Variants in TAFA1 observed in about 807,000 individuals in gnomAD.
The protein encoded by TAFA1 is chemokine-like protein TAFA-1.
In TAFA1, 4 loss-of-function variants were observed where a neutral mutation model predicts 18.5. The observed-to-expected ratio is 0.22, with a 90% confidence interval of 0.11 to 0.49. TAFA1 has a LOEUF of 0.49. TAFA1 is among the 20% of genes least tolerant of loss of function. The pLI is 0.98. For synonymous variants in TAFA1, 56 were observed against 55.2 expected, an observed-to-expected ratio of 1.01 and a Z score of -0.06; for missense variants, 147 against 169.0, an observed-to-expected ratio of 0.87 and a Z score of 0.72.
rs114956094 is a variant in TAFA1, at chr3:68,180,792, C to G, written c.118+174048C>G. On this transcript the variant is annotated intron_variant, in intron 2 of 4. Coordinates refer to ENST00000478136, the MANE Select transcript of TAFA1 (RefSeq NM_213609.4). ...GCTTCTAATACGACCCCTGATGATC[C>G]TCTCCTCCTAGTTTTCATGCCCTTC... Among the ~76,000 whole-genome samples the G allele has an allele frequency of 9.2e-3, 1,404 of 152,242 alleles. 22 individuals are homozygous for G. The highest frequency in any genetic ancestry group is 0.032 in the African/African-American group (1,321 of 41,544).
At chr3:68,108,918 A>G (rs543356919) in intron 2 of TAFA1, among the ~76,000 whole-genome samples, 6 of 152,038 alleles carry the variant, frequency 3.9e-5, no homozygotes, top group African/African-American at 1.4e-4. Flanking sequence ...ATACAGAGAG[A>G]TTTTAAAAAT....
intron 3 of TAFA1, among the ~76,000 whole-genome samples, chr3:68,494,490 C>A (rs185920707): frequency 6.6e-6 from 1 of 152,274 alleles, no homozygotes; most frequent in African/African-American, 2.4e-5. Context: ...ATATCCCAAT[C>A]TCCCTCACAG....
rs553489696 is a variant in TAFA1, at chr3:68,013,380, T to C, written c.118+6636T>C. On this transcript the variant is annotated intron_variant, in intron 2 of 4. Transcript: ENST00000478136. ...CATGTATTATGTGTGTATCTTTATGTAGATATTTGACTCTATTCAATTTTG... is the reference window on the plus strand; with the variant it reads ...CATGTATTATGTGTGTATCTTTATGCAGATATTTGACTCTATTCAATTTTG... Among the ~76,000 whole-genome samples the C allele has an allele frequency of 2.6e-4, 40 of 152,266 alleles. No homozygotes were observed. The South Asian group carries it at 8.1e-3, about 31-fold the overall frequency.
chr3:68,344,635 C>G (rs1371476666), intron 2 of TAFA1, among the ~76,000 whole-genome samples: 3 of 152,180 alleles, frequency 2.0e-5, no homozygotes, highest in East Asian at 3.9e-4. Flanking sequence ...GACTTTTCCC[C>G]CTAGCTTTGT....
intron 2 of TAFA1, among the ~76,000 whole-genome samples, chr3:68,336,602 T>A (rs558587422): frequency 6.6e-6 from 1 of 152,334 alleles, no homozygotes; most frequent in Admixed American, 6.5e-5. Context: ...GCTTGAAAGG[T>A]ATGAGGATGA....
chr3:68,091,045 A>G (rs555244945), intron 2 of TAFA1, among the ~76,000 whole-genome samples: 3 of 152,212 alleles, frequency 2.0e-5, no homozygotes, highest in Non-Finnish European at 2.9e-5. Flanking sequence ...CTGCTTCAGA[A>G]TAGCTTTCTT....
intron 3 of TAFA1, among the ~76,000 whole-genome samples, chr3:68,478,578 T>C (rs2072149723): frequency 6.6e-6 from 1 of 152,190 alleles, no homozygotes; most frequent in African/African-American, 2.4e-5. Flanking sequence ...TCGTAGTTTA[T>C]TAGCTATAAA....
intron 2 of TAFA1, among the ~76,000 whole-genome samples, chr3:68,108,598 T>A (rs142256471): frequency 6.6e-6 from 1 of 152,200 alleles, no homozygotes; most frequent in African/African-American, 2.4e-5. Flanking sequence ...TTCCTGGAAA[T>A]CATTGCCAAA....
At chr3:68,332,310 TC>T (rs2068892539) in intron 2 of TAFA1, among the ~76,000 whole-genome samples, 1 of 151,812 alleles carries the variant, frequency 6.6e-6, no homozygotes, top group Non-Finnish European at 1.5e-5. Context: ...ACCATAAAAC[TC>T]CTAGGAGAAA....
intron 2 of TAFA1, among the ~76,000 whole-genome samples, chr3:68,338,576 A>G (rs749354322): frequency 7.2e-5 from 11 of 152,300 alleles, no homozygotes; most frequent in Middle Eastern, 3.4e-3. Flanking sequence ...CTTACCAGAA[A>G]CTTGTGAATA....
chr3:68,499,036 A>C (rs2072606463), intron 3 of TAFA1, among the ~76,000 whole-genome samples: 1 of 152,058 alleles, frequency 6.6e-6, no homozygotes, highest in East Asian at 1.9e-4. Flanking sequence ...TCCTGGTAGA[A>C]ACTAAAGTAG....
At chr3:68,501,775 T>G (rs546571469) in intron 3 of TAFA1, among the ~76,000 whole-genome samples, 75 of 152,288 alleles carry the variant, frequency 4.9e-4, no homozygotes, top group African/African-American at 1.4e-3. Context: ...GGAATGAATC[T>G]CTTTTAGCAA....
At chr3:68,124,184 G>A (rs547590455) in intron 2 of TAFA1, among the ~76,000 whole-genome samples, 2 of 152,156 alleles carry the variant, frequency 1.3e-5, no homozygotes, top group African/African-American at 2.4e-5. Context: ...AAATGTGCTG[G>A]CTGTAAGCCT....
intron 3 of TAFA1, among the ~76,000 whole-genome samples, chr3:68,430,832 A>T (rs2071155873): frequency 6.6e-6 from 1 of 151,954 alleles, no homozygotes; most frequent in Non-Finnish European, 1.5e-5. Flanking sequence ...CAAACAAACA[A>T]AACTTTTGGA....
At chr3:68,441,253 G>T (rs992838115) in intron 3 of TAFA1, among the ~76,000 whole-genome samples, 2 of 152,130 alleles carry the variant, frequency 1.3e-5, no homozygotes, top group Non-Finnish European at 2.9e-5. Flanking sequence ...ACAGGTGCAG[G>T]CTGCTTTGTA....
chr3:68,421,622 A>G (rs1482193092), intron 3 of TAFA1, among the ~76,000 whole-genome samples: 3 of 151,660 alleles, frequency 2.0e-5, no homozygotes, highest in Admixed American at 2.0e-4. Context: ...ATAGAATGAC[A>G]TTTGCTTCCT....
chr3:68,058,439 G>A (rs2064561734), intron 2 of TAFA1, among the ~76,000 whole-genome samples: 2 of 152,220 alleles, frequency 1.3e-5, no homozygotes, highest in Admixed American at 1.3e-4. Context: ...TCACATATGG[G>A]TGTTTAAGCT....
At chr3:68,058,831 T>C (rs1052620850) in intron 2 of TAFA1, among the ~76,000 whole-genome samples, 6 of 152,132 alleles carry the variant, frequency 3.9e-5, no homozygotes, top group African/African-American at 7.2e-5. Context: ...ACGTTTTCTA[T>C]GGCTGCTGTA....
upstream of TAFA1, among the ~76,000 whole-genome samples, chr3:67,999,267 T>TC (rs66913469): frequency 1.4e-5 from 2 of 143,146 alleles, no homozygotes; most frequent in Non-Finnish European, 3.0e-5. Context: ...ATTCTCTCTA[T>TC]CCCCCCCCCC....
Sources: gnomAD v4.1 joint callset for allele counts (sites outside exome capture counted in the v4.1 genomes callset) on GRCh38, gnomAD v4.1.1 for gene constraint, MANE v1.5 for transcripts, NCBI Gene and HGNC (gene_info 2026-07-23, HGNC 2026-07-21) for gene names.